The following TANC2 variants were observed in gnomAD, a reference collection of about 807,000 sequenced individuals.
TANC2 encodes the protein tetratricopeptide repeat, ankyrin repeat and coiled-coil containing 2.
A neutral mutation model predicts 210.5 loss-of-function variants in TANC2; 26 were observed. The observed-to-expected ratio is 0.12, with a 90% CI of 0.09 to 0.17. The LOEUF (loss-of-function observed/expected upper bound fraction) is 0.17. TANC2 is among the 10% of genes least tolerant of loss of function. The pLI, the probability that TANC2 is intolerant of heterozygous loss-of-function variation, is 1.00. For missense variants in TANC2, 2,129 were observed against 2,608.9 expected (o/e 0.82, Z 4.01); for synonymous variants, 931 against 967.1 (o/e 0.96, Z 0.69).
intron 21 of TANC2, among the ~76,000 whole-genome samples, chr17:63,406,667 TCC>T (rs1390368966): frequency 6.6e-6 from 1 of 152,214 alleles, no homozygotes; most frequent in Non-Finnish European, 1.5e-5. Flanking sequence ...CCAGTGAAGA[TCC>T]CTGCTGACTC....
rs2039312629 is a variant in TANC2 at position 63,142,135 on chromosome 17, CTTCT to C, written c.323-9129_323-9126del. 1.3e-5 allele frequency among the ~76,000 whole-genome samples: 2 copies of C among 152,156 alleles called. 1 individual carries two copies. Among genetic ancestry groups the C allele is most frequent in the South Asian group, 4.1e-4 (2 of 4,824 alleles). ...TCTAAGTCACTTGCTCCTGTCCCAACTTCTTTCTTAATTTTCTGGTGGAGTTTGT... is the reference window on the plus strand; with the variant it reads ...TCTAAGTCACTTGCTCCTGTCCCAACTTCTTAATTTTCTGGTGGAGTTTGT... On this transcript the variant is annotated intron_variant, in intron 4 of 27. Transcript: ENST00000689528.
intron 2 of TANC2, among the ~76,000 whole-genome samples, chr17:63,022,832 TG>T (rs1177978455): frequency 2.0e-5 from 3 of 152,246 alleles, no homozygotes; most frequent in Non-Finnish European, 4.4e-5. Flanking sequence ...TGGCCCCAGG[TG>T]CAGCTTGACT....
intron 3 of TANC2, among the ~76,000 whole-genome samples, chr17:63,078,881 T>G (rs1371919408): frequency 6.6e-6 from 1 of 152,224 alleles, no homozygotes; most frequent in African/African-American, 2.4e-5. Context: ...GGGTGGAAGG[T>G]TCTATAAATG....
exon 28 of TANC2, chr17:63,422,686 A>G (rs1469044486): frequency 5.3e-5 from 8 of 152,178 alleles, no homozygotes; most frequent in Admixed American, 5.2e-4. Context: ...TTAGATGAGA[A>G]TTGTGGCTAT....
intron 9 of TANC2, among the ~76,000 whole-genome samples, chr17:63,306,252 C>A (rs981284233): frequency 6.6e-6 from 1 of 152,156 alleles, no homozygotes; most frequent in Non-Finnish European, 1.5e-5. Context: ...GACTTGAAGA[C>A]AGACTGGGAT....
intron 4 of TANC2, among the ~76,000 whole-genome samples, chr17:63,127,066 T>C (rs1403377901): frequency 2.0e-5 from 3 of 152,222 alleles, no homozygotes; most frequent in Non-Finnish European, 4.4e-5. Context: ...TACCAAAAAA[T>C]GGACAGATTT....
chr17:63,207,978 A>C (rs1479542542), intron 7 of TANC2, among the ~76,000 whole-genome samples: 1 of 152,204 alleles, frequency 6.6e-6, no homozygotes, highest in Admixed American at 6.5e-5. Flanking sequence ...ATTACTGATG[A>C]GGTTAAACAA....
chr17:63,003,656 G>A (rs2033484033), intron 1 of TANC2, among the ~76,000 whole-genome samples: 1 of 152,194 alleles, frequency 6.6e-6, no homozygotes, highest in South Asian at 2.1e-4. Context: ...ACCATGGAAA[G>A]CAAAACTGCA....
At chr17:63,156,078 G>A (rs143102979) in intron 5 of TANC2, among the ~76,000 whole-genome samples, 11 of 151,916 alleles carry the variant, frequency 7.2e-5, no homozygotes, top group African/African-American at 2.4e-4. Flanking sequence ...AATTAACCAT[G>A]CTTCTTTGGT....
intron 7 of TANC2, among the ~76,000 whole-genome samples, chr17:63,216,723 A>G (rs1049880575): frequency 6.6e-6 from 1 of 152,216 alleles, no homozygotes; most frequent in Non-Finnish European, 1.5e-5. Context: ...AAACTCACAC[A>G]TATGGTATCA....
chr17:63,062,028 A>C (rs1485246556), intron 2 of TANC2, among the ~76,000 whole-genome samples: 1 of 152,062 alleles, frequency 6.6e-6, no homozygotes, highest in East Asian at 1.9e-4. Flanking sequence ...CATTTTTAGA[A>C]CTTTTTGAAA....
intron 9 of TANC2, among the ~76,000 whole-genome samples, chr17:63,309,757 A>G (rs2045053328): frequency 1.3e-5 from 2 of 150,118 alleles, no homozygotes; most frequent in African/African-American, 2.5e-5. Flanking sequence ...TTCAAAATCT[A>G]TTGAAAAAAT....
intron 2 of TANC2, among the ~76,000 whole-genome samples, chr17:63,011,021 C>T (rs548649348): frequency 6.6e-6 from 1 of 152,140 alleles, no homozygotes; most frequent in Non-Finnish European, 1.5e-5. Context: ...TCTCTCCTCT[C>T]TAGAAATCAG....
chr17:63,004,543 T>G (rs2033526596), intron 1 of TANC2: 1 of 161,776 alleles, frequency 6.2e-6, no homozygotes, highest in Non-Finnish European at 1.3e-5. Flanking sequence ...TATATGCCTC[T>G]TCCCCAAAAA....
intron 1 of TANC2, among the ~76,000 whole-genome samples, chr17:63,003,799 C>A (rs568387062): frequency 6.6e-6 from 1 of 151,904 alleles, no homozygotes; most frequent in Non-Finnish European, 1.5e-5. Context: ...TTTTAATAAC[C>A]TCCAAATATA....
At chr17:63,181,667 G>A (rs746249172) in intron 5 of TANC2, among the ~76,000 whole-genome samples, 5 of 152,084 alleles carry the variant, frequency 3.3e-5, no homozygotes, top group Admixed American at 1.3e-4. Flanking sequence ...CTGCTTTGTC[G>A]GGTAATAATA....
At chr17:63,408,987 CTG>C (rs144141178) in intron 21 of TANC2, among the ~76,000 whole-genome samples, 3,189 of 152,210 alleles carry the variant, frequency 0.021, 102 homozygotes, top group African/African-American at 0.071. Context: ...GGATTTTAGA[CTG>C]ATTACAAAAC....
At chr17:63,219,732 T>C (rs769722543) in intron 7 of TANC2, among the ~76,000 whole-genome samples, 65 of 152,240 alleles carry the variant, frequency 4.3e-4, no homozygotes, top group Non-Finnish European at 8.5e-4. Flanking sequence ...TTAGTATAAA[T>C]TAACAAGCTA....
chr17:63,277,516 G>A (rs578257402), intron 9 of TANC2, among the ~76,000 whole-genome samples: 1 of 88,724 alleles, frequency 1.1e-5, no homozygotes, highest in Non-Finnish European at 2.1e-5. Context: ...TCATTTCTCT[G>A]TCTTAAGTTA....
Sources: gnomAD v4.1 joint callset for allele counts (sites outside exome capture counted in the v4.1 genomes callset) on GRCh38, gnomAD v4.1.1 for gene constraint, MANE v1.5 for transcripts, NCBI Gene and HGNC (gene_info 2026-07-23, HGNC 2026-07-21) for gene names.